Variants in PTGER4 observed in about 807,000 individuals in gnomAD.
PTGER4 encodes the protein prostaglandin E2 receptor EP4 subtype.
A neutral mutation model predicts 33.2 loss-of-function variants in PTGER4; 11 were observed. That is an observed-to-expected ratio of 0.33 (90% confidence interval 0.21 to 0.55). PTGER4 has a LOEUF of 0.55. Ranked by LOEUF, PTGER4 falls within the 20% of genes least tolerant of loss-of-function variation. The pLI is 0.92. For synonymous variants in PTGER4, 275 were observed against 281.5 expected, an observed-to-expected ratio of 0.98 and a Z score of 0.23; for missense variants, 481 against 650.2, an observed-to-expected ratio of 0.74 and a Z score of 2.83.
At position 40,691,776 on chromosome 5, in the gene PTGER4, C is replaced by A; in HGVS notation, c.868-3C>A. On this transcript the variant is annotated splice_region_variant and splice_polypyrimidine_tract_variant and intron_variant, in intron 2 of 2. Coordinates refer to ENST00000302472, the MANE Select transcript of PTGER4 (RefSeq NM_000958.3). The surrounding 1 kb of genome is among the most constrained non-coding windows in gnomAD (Gnocchi z 4.2). ...ATCTAAATGTGCGATCTCACTTATG[C>A]AGGTGCGAGTATTCGTCAACCAGTT... 6.2e-7 allele frequency: 1 copy of A among 1,610,444 alleles called. No individual in the cohort carries two copies. Among genetic ancestry groups the A allele is most frequent in the Admixed American group, 1.7e-5 (1 of 59,540 alleles).
At chr5:40,697,184 TAAGAA>T (rs1238742329), downstream of PTGER4, among the ~76,000 whole-genome samples, 3 of 72,490 alleles carry the variant, frequency 4.1e-5, no homozygotes, top group Admixed American at 1.3e-4. Flanking sequence ...GAAGAAAAAT[TAAGAA>T]AGAAAGAAAA....
the PTGER4 span, among the ~76,000 whole-genome samples, chr5:40,705,378 G>C: frequency 6.6e-6 from 1 of 152,278 alleles, no homozygotes; most frequent in East Asian, 1.9e-4. Flanking sequence ...TACCCTGGAA[G>C]ACAATCTAGG....
At chr5:40,735,832 TG>T in the PTGER4 span, among the ~76,000 whole-genome samples, 1 of 152,156 alleles carries the variant, frequency 6.6e-6, no homozygotes, top group African/African-American at 2.4e-5. Context: ...AAGTGATGAC[TG>T]GATTTGACAA....
intron 2 of PTGER4, among the ~76,000 whole-genome samples, chr5:40,689,725 T>C (rs892869638): frequency 6.6e-6 from 1 of 152,212 alleles, no homozygotes; most frequent in Non-Finnish European, 1.5e-5. Context: ...GTTAGAGATA[T>C]TTGCCCCTAG....
the PTGER4 span, chr5:40,728,618 T>C: frequency 3.0e-5 from 21 of 689,654 alleles, no homozygotes; most frequent in South Asian, 4.1e-4. Flanking sequence ...TACTCTGCCA[T>C]TCAGGGTAAG....
the PTGER4 span, among the ~76,000 whole-genome samples, chr5:40,745,081 C>T: frequency 6.6e-6 from 1 of 152,172 alleles, no homozygotes; most frequent in Non-Finnish European, 1.5e-5. Flanking sequence ...TTGGTCTGGA[C>T]TCTTCCAATA....
the PTGER4 span, among the ~76,000 whole-genome samples, chr5:40,731,688 G>A: frequency 2.0e-5 from 3 of 152,174 alleles, no homozygotes; most frequent in African/African-American, 7.2e-5. Flanking sequence ...TCCTTGACAC[G>A]GGGATTATTA....
chr5:40,686,497 G>A (rs1395930630), intron 2 of PTGER4, among the ~76,000 whole-genome samples: 1 of 152,172 alleles, frequency 6.6e-6, no homozygotes, highest in Non-Finnish European at 1.5e-5. Context: ...TCTGTTATAC[G>A]ATAGGCACTG....
downstream of PTGER4, among the ~76,000 whole-genome samples, chr5:40,698,109 A>AAAAAAAC (rs1741654853): frequency 6.9e-6 from 1 of 145,532 alleles, no homozygotes; most frequent in Non-Finnish European, 1.5e-5. Flanking sequence ...AAAAAAAAAA[A>AAAAAAAC]AAAAAAAAAA....
chr5:40,686,032 G>C, intron 2 of PTGER4, among the ~76,000 whole-genome samples: 1 of 152,000 alleles, frequency 6.6e-6, no homozygotes, highest in Non-Finnish European at 1.5e-5. Flanking sequence ...GCCAGAAGAA[G>C]AACCAAGCTC....
chr5:40,721,494 T>C, the PTGER4 span, among the ~76,000 whole-genome samples: 1 of 152,212 alleles, frequency 6.6e-6, no homozygotes, highest in Non-Finnish European at 1.5e-5. Context: ...GCATTAAGTA[T>C]ACATAATGAG....
the PTGER4 span, among the ~76,000 whole-genome samples, chr5:40,724,108 A>G: frequency 6.6e-6 from 1 of 152,354 alleles, no homozygotes; most frequent in Non-Finnish European, 1.5e-5. Flanking sequence ...ACGATAGCCA[A>G]TATGTAGAAA....
At chr5:40,727,847 T>C in the PTGER4 span, among the ~76,000 whole-genome samples, 1 of 152,174 alleles carries the variant, frequency 6.6e-6, no homozygotes, top group African/African-American at 2.4e-5. Flanking sequence ...ATGATATAAT[T>C]AGTGTCTATA....
At chr5:40,717,916 G>T in the PTGER4 span, among the ~76,000 whole-genome samples, 4 of 152,176 alleles carry the variant, frequency 2.6e-5, no homozygotes, top group African/African-American at 7.2e-5. Flanking sequence ...CAAAAAATTA[G>T]CCAGGTGTGG....
chr5:40,719,255 T>A, the PTGER4 span, among the ~76,000 whole-genome samples: 3 of 152,204 alleles, frequency 2.0e-5, no homozygotes, highest in South Asian at 6.2e-4. Context: ...CAAGCATTAA[T>A]TTACTTGCTA....
the PTGER4 span, among the ~76,000 whole-genome samples, chr5:40,730,700 A>G: frequency 2.4e-4 from 37 of 152,180 alleles, no homozygotes; most frequent in African/African-American, 8.4e-4. Flanking sequence ...ACTACTTTCT[A>G]GTCCATGAAA....
chr5:40,686,892 T>A (rs1374336777), intron 2 of PTGER4, among the ~76,000 whole-genome samples: 3 of 152,136 alleles, frequency 2.0e-5, no homozygotes, highest in Non-Finnish European at 4.4e-5. Context: ...AGTGAGACCC[T>A]TTCTAAAAGA....
At chr5:40,717,838 C>A in the PTGER4 span, among the ~76,000 whole-genome samples, 1 of 151,432 alleles carries the variant, frequency 6.6e-6, no homozygotes, top group African/African-American at 2.4e-5. Flanking sequence ...TCAAGGCAGG[C>A]GGATCACCTG....
chr5:40,680,644 C>A lies in PTGER4; in HGVS notation c.-44+166C>A, dbSNP rs546430904. ...CAGAATCTATCGAGAATAGCACTAG[C>A]GAGCTACTTTTCCCTTGAGATGGGT... On this transcript the variant is annotated intron_variant, in intron 1 of 2. Transcript: ENST00000302472. This position sits in a 1 kb window ranked among gnomAD's most constrained non-coding sequence, Gnocchi z 5.5. Among the ~76,000 whole-genome samples the A allele has an allele frequency of 7.9e-5, 12 of 152,220 alleles. No individual in the cohort carries two copies. Among genetic ancestry groups the A allele is most frequent in the Non-Finnish European group, 1.6e-4 (11 of 68,036 alleles).
Sources: gnomAD v4.1 joint callset for allele counts (sites outside exome capture counted in the v4.1 genomes callset) on GRCh38, gnomAD v4.1.1 for gene constraint, Gnocchi (gnomAD v3.1) non-coding constraint, MANE v1.5 for transcripts, NCBI Gene and HGNC (gene_info 2026-07-23, HGNC 2026-07-21) for gene names.